Variants in HERC2 observed in about 807,000 individuals in gnomAD.
HERC2 encodes HECT and RLD domain containing E3 ubiquitin protein ligase 2, also known as E3 ubiquitin-protein ligase HERC2.
In HERC2, 102 loss-of-function variants were observed where a neutral mutation model predicts 537.7. The ratio of observed to expected loss-of-function variants is 0.19; its 90% confidence interval spans 0.16 to 0.22. The LOEUF (loss-of-function observed/expected upper bound fraction) is 0.22. Among genes scored for constraint, HERC2 ranks in the 10% least tolerant of loss-of-function variants. The pLI, the probability that HERC2 is intolerant of heterozygous loss-of-function variation, is 1.00. For synonymous variants in HERC2, 2,224 were observed against 2,466.2 expected, an observed-to-expected ratio of 0.90 and a Z score of 2.91; for missense variants, 4,236 against 6,198.2, an observed-to-expected ratio of 0.68 and a Z score of 10.63.
chr15:28,246,305 G>A (rs879924005), intron 22 of HERC2, among the ~76,000 whole-genome samples: 4 of 151,950 alleles, frequency 2.6e-5, no homozygotes, highest in Non-Finnish European at 5.9e-5. Flanking sequence ...TATGAACTAA[G>A]AGTCTTCTAT....
At chr15:28,188,099 CA>C (rs762451216) in intron 55 of HERC2, among the ~76,000 whole-genome samples, 12 of 151,988 alleles carry the variant, frequency 7.9e-5, no homozygotes, top group Admixed American at 1.3e-4. Flanking sequence ...AACAATTACT[CA>C]GTTTTTTTTT....
chr15:28,304,447 A>T (rs1048178883), intron 2 of HERC2, among the ~76,000 whole-genome samples: 2 of 150,620 alleles, frequency 1.3e-5, no homozygotes, highest in African/African-American at 4.9e-5. Context: ...AGCTCACTGC[A>T]ATCTCCACCT....
At chr15:28,242,659 T>C (rs1410266032) in intron 23 of HERC2, among the ~76,000 whole-genome samples, 4 of 152,136 alleles carry the variant, frequency 2.6e-5, no homozygotes, top group Non-Finnish European at 5.9e-5. Context: ...AGATGCAAAA[T>C]TGTCTTTAAA....
At chr15:28,320,644 A>G (rs901864546) in intron 2 of HERC2, among the ~76,000 whole-genome samples, 1 of 151,902 alleles carries the variant, frequency 6.6e-6, no homozygotes, top group Non-Finnish European at 1.5e-5. Flanking sequence ...AAATATTTCA[A>G]ACACTTCTTT....
intron 65 of HERC2, among the ~76,000 whole-genome samples, chr15:28,170,932 A>G (rs1482386528): frequency 1.3e-5 from 2 of 152,248 alleles, no homozygotes; most frequent in African/African-American, 2.4e-5. Flanking sequence ...TTAAAACCAC[A>G]ATGAGATACA....
rs188083338 is a variant in HERC2 at position 28,197,138 on chromosome 15, T to G, written c.8012-569A>C. ...ATAATCCATTTGTTTTTATGTAACA[T>G]GAGAAGCTCTAGGAACCTCTCACCA... On this transcript the variant is annotated intron_variant, in intron 50 of 92. Coordinates refer to ENST00000261609, the MANE Select transcript of HERC2 (RefSeq NM_004667.6). Among the ~76,000 whole-genome samples the G allele has an allele frequency of 4.1e-3, 629 of 152,364 alleles. 4 individuals carry two copies. The highest frequency in any genetic ancestry group is 0.014 in the African/African-American group (599 of 41,586).
chr15:28,148,577 G>C (rs1221607428), intron 70 of HERC2, among the ~76,000 whole-genome samples: 2 of 152,180 alleles, frequency 1.3e-5, no homozygotes, highest in Admixed American at 6.5e-5. Flanking sequence ...ACATCACCGA[G>C]AACGGCCGCA....
At chr15:28,297,546 T>C (rs1209022066) in intron 3 of HERC2, among the ~76,000 whole-genome samples, 6 of 151,936 alleles carry the variant, frequency 3.9e-5, no homozygotes, top group Admixed American at 6.6e-5. Context: ...AAACCCATTA[T>C]GTTGTTTAAA....
intron 39 of HERC2, among the ~76,000 whole-genome samples, 164 bp downstream of exon 39, chr15:28,215,457 C>G (rs1899790839): frequency 1.3e-5 from 2 of 152,124 alleles, no homozygotes; most frequent in African/African-American, 4.8e-5. Context: ...AGCAACTTAC[C>G]AATTATCAAG....
intron 70 of HERC2, among the ~76,000 whole-genome samples, chr15:28,149,174 G>A (rs192354916): frequency 4.9e-4 from 74 of 151,292 alleles, no homozygotes; most frequent in African/African-American, 1.7e-3. Flanking sequence ...CACCAAGAAT[G>A]GCCACACGAA....
At chr15:28,168,238 T>G (rs929817674) in intron 67 of HERC2, among the ~76,000 whole-genome samples, 169 bp downstream of exon 67, 3 of 152,188 alleles carry the variant, frequency 2.0e-5, no homozygotes, top group African/African-American at 7.2e-5. Flanking sequence ...CCAATTCCAC[T>G]TAAGCACTTT....
chr15:28,235,440 A>G (rs1232112160), intron 26 of HERC2, among the ~76,000 whole-genome samples: 1 of 152,088 alleles, frequency 6.6e-6, no homozygotes, highest in African/African-American at 2.4e-5. Context: ...AAGGAAGCAG[A>G]TACCTCAGAG....
chr15:28,176,630 C>T lies in HERC2; in HGVS notation c.9515-31G>A, dbSNP rs1303282494. On this transcript the variant is annotated intron_variant, in intron 62 of 92. Transcript: ENST00000261609. The surrounding 1 kb of genome is among the most constrained non-coding windows in gnomAD (Gnocchi z 5.0). ...TTTAAGAAACACATATACTTCAGGC[C>T]AGCGTTTCATATCATTCCTACCCAC... The T allele has an allele frequency of 6.2e-7, 1 of 1,613,946 alleles. No individual in the cohort carries two copies. Among genetic ancestry groups the T allele is most frequent in the East Asian group, 2.2e-5 (1 of 44,860 alleles).
chr15:28,197,466 A>T (rs1482341615), intron 50 of HERC2, among the ~76,000 whole-genome samples: 1 of 152,222 alleles, frequency 6.6e-6, no homozygotes, highest in African/African-American at 2.4e-5. Flanking sequence ...ATACAGCATG[A>T]AAAAGAGCCA....
At chr15:28,251,073 C>A (rs2075060625) in intron 20 of HERC2, among the ~76,000 whole-genome samples, 1 of 152,206 alleles carries the variant, frequency 6.6e-6, no homozygotes, top group Non-Finnish European at 1.5e-5. Context: ...AGGAGACAAC[C>A]TGTGTGGACA....
At chr15:28,301,514 T>G (rs2076623542) in intron 2 of HERC2, among the ~76,000 whole-genome samples, 1 of 150,794 alleles carries the variant, frequency 6.6e-6, no homozygotes, top group African/African-American at 2.4e-5. Context: ...AAAACGCCTT[T>G]GCTTGTCAAC....
At chr15:28,289,589 G>C (rs1360348917) in intron 4 of HERC2, among the ~76,000 whole-genome samples, 3 of 152,146 alleles carry the variant, frequency 2.0e-5, no homozygotes, top group African/African-American at 7.2e-5. Flanking sequence ...GATCTCCCCA[G>C]AACGCTGAGA....
At position 28,113,200 on chromosome 15, in the gene HERC2, G is replaced by A. The variant is rs527499433; in HGVS notation, c.14103C>T (p.Ile4701=). The part of the protein sequence containing the change: ...YKGIEPSASL[I]QWFWEVMESF... ...ACTCCATCACCTCCCAGAACCACTG[G>A]ATCAGCGATGCGGAAGGCTCGATGC... The change falls in exon 92 of 93, where the codon ATC becomes ATT. Residue 4701 remains isoleucine (I), a synonymous_variant. Transcript: ENST00000261609. The surrounding 1 kb of genome is among the most constrained non-coding windows in gnomAD (Gnocchi z 7.0). 3 of 1,614,150 alleles carry A rather than the reference G, an allele frequency of 1.9e-6. No individual in the cohort carries two copies. The highest frequency in any genetic ancestry group is 3.3e-5 in the Admixed American group (2 of 60,028).
At chr15:28,165,833 C>T (rs1007052927) in intron 68 of HERC2, among the ~76,000 whole-genome samples, 7 of 151,942 alleles carry the variant, frequency 4.6e-5, no homozygotes, top group Non-Finnish European at 8.8e-5. Context: ...GATGTATGTA[C>T]CTATTATGTT....
Sources: gnomAD v4.1 joint callset for allele counts (sites outside exome capture counted in the v4.1 genomes callset) on GRCh38, gnomAD v4.1.1 for gene constraint, Gnocchi (gnomAD v3.1) non-coding constraint, MANE v1.5 for transcripts, NCBI Gene and HGNC (gene_info 2026-07-23, HGNC 2026-07-21) for gene names.